Variants in TNNI3K observed in about 807,000 individuals in gnomAD.
TNNI3K encodes the protein serine/threonine-protein kinase TNNI3K.
A neutral mutation model predicts 114.5 loss-of-function variants in TNNI3K; 140 were observed. That is an observed-to-expected ratio of 1.22 (90% CI 1.07 to 1.41). The LOEUF (loss-of-function observed/expected upper bound fraction) is 1.41, where lower values mean the gene tolerates loss of function less well. Among genes scored for constraint, TNNI3K ranks in the 40% most tolerant of loss-of-function variants. The pLI is 0.00. For synonymous variants in TNNI3K, 347 were observed against 347.5 expected, an observed-to-expected ratio of 1.00 and a Z score of 0.02; for missense variants, 1,125 against 1,007.6, an observed-to-expected ratio of 1.12 and a Z score of -1.58.
At chr1:74,370,437 G>A (rs1270165149) in intron 17 of TNNI3K, 45 bp downstream of exon 17, 1 of 1,532,016 alleles carries the variant, frequency 6.5e-7, no homozygotes, top group Non-Finnish European at 8.9e-7. Context: ...ATGACTAACT[G>A]GGAGTTTAAG....
intron 23 of TNNI3K, among the ~76,000 whole-genome samples, chr1:74,521,379 TA>T (rs891108665): frequency 1.3e-4 from 20 of 152,156 alleles, no homozygotes; most frequent in African/African-American, 4.3e-4. Context: ...GTAAGTCACT[TA>T]AAACAATACC....
intron 21 of TNNI3K, among the ~76,000 whole-genome samples, chr1:74,484,448 A>G (rs1668653223): frequency 6.6e-6 from 1 of 152,252 alleles, no homozygotes. Flanking sequence ...GGATATAAAC[A>G]ATAAACAAAT....
intron 21 of TNNI3K, among the ~76,000 whole-genome samples, chr1:74,477,004 AATACACTCTTGGAAAGTGCTATAAC>A (rs1454535191): frequency 2.0e-5 from 3 of 152,132 alleles, no homozygotes; most frequent in Non-Finnish European, 4.4e-5. Flanking sequence ...ATTTGCCAAC[AATACACTCTTGGAAAGTGCTATAAC>A]ATATTGAAGC....
At chr1:74,438,124 G>A (rs1666219035) in intron 19 of TNNI3K, among the ~76,000 whole-genome samples, 1 of 151,640 alleles carries the variant, frequency 6.6e-6, no homozygotes, top group Non-Finnish European at 1.5e-5. Flanking sequence ...AATTTATTTT[G>A]AAAGCTGTTT....
At chr1:74,365,666 T>G (rs970873707) in intron 11 of TNNI3K, among the ~76,000 whole-genome samples, 1 of 152,082 alleles carries the variant, frequency 6.6e-6, no homozygotes, top group African/African-American at 2.4e-5. Context: ...ACATTATCTA[T>G]TCTCTCTGCC....
At chr1:74,533,248 A>G (rs1484553830) in intron 23 of TNNI3K, among the ~76,000 whole-genome samples, 6 of 152,186 alleles carry the variant, frequency 3.9e-5, no homozygotes, top group African/African-American at 1.4e-4. Flanking sequence ...AAAAGTGGGC[A>G]AAGGACATGA....
At chr1:74,319,357 T>G (rs577551456) in intron 5 of TNNI3K, among the ~76,000 whole-genome samples, 1 of 152,362 alleles carries the variant, frequency 6.6e-6, no homozygotes, top group Admixed American at 6.5e-5. Flanking sequence ...AGTGACATTT[T>G]ATAACTTTTG....
chr1:74,537,926 AC>A (rs1646679594), intron 23 of TNNI3K, among the ~76,000 whole-genome samples: 1 of 152,184 alleles, frequency 6.6e-6, no homozygotes, highest in African/African-American at 2.4e-5. Context: ...CTCATGATTA[AC>A]TTTATAAGCT....
At chr1:74,489,665 T>A (rs1668950754) in intron 22 of TNNI3K, among the ~76,000 whole-genome samples, 1 of 152,148 alleles carries the variant, frequency 6.6e-6, no homozygotes, top group Non-Finnish European at 1.5e-5. Flanking sequence ...GTTCATAAAT[T>A]AGTTGGAATG....
chr1:74,277,433 G>C (rs186402720), intron 5 of TNNI3K, among the ~76,000 whole-genome samples: 153 of 152,150 alleles, frequency 1.0e-3, no homozygotes, highest in Non-Finnish European at 1.7e-3. Flanking sequence ...AGTGAAAAAA[G>C]AAACGGAATA....
At chr1:74,245,532 T>G (rs1654498613) in intron 2 of TNNI3K, among the ~76,000 whole-genome samples, 1 of 152,176 alleles carries the variant, frequency 6.6e-6, no homozygotes, top group Non-Finnish European at 1.5e-5. Flanking sequence ...TTTAAATCTC[T>G]AGCAGCTTTA....
intron 2 of TNNI3K, among the ~76,000 whole-genome samples, chr1:74,248,127 C>T (rs954870696): frequency 6.6e-6 from 1 of 152,148 alleles, no homozygotes; most frequent in African/African-American, 2.4e-5. Context: ...GGACCCGGTG[C>T]ACCCTCTGCA....
intron 21 of TNNI3K, chr1:74,464,891 A>G (rs1251530599): frequency 4.6e-6 from 6 of 1,302,070 alleles, no homozygotes; most frequent in Admixed American, 3.6e-5. Context: ...TGGATGCTTA[A>G]GAATGTTTGT....
intron 17 of TNNI3K, among the ~76,000 whole-genome samples, chr1:74,383,438 C>G (rs1281877851): frequency 1.3e-5 from 2 of 152,070 alleles, no homozygotes; most frequent in African/African-American, 4.8e-5. Context: ...TGCCTTACCT[C>G]TCTCTTCTCT....
At chr1:74,512,508 A>G (rs1453430577) in intron 23 of TNNI3K, 1 of 152,228 alleles carries the variant, frequency 6.6e-6, no homozygotes, top group Non-Finnish European at 1.5e-5. Flanking sequence ...AAACACCAAA[A>G]GAAAGAAATT....
At chr1:74,420,729 A>C (rs945429112) in intron 17 of TNNI3K, among the ~76,000 whole-genome samples, 15 of 152,280 alleles carry the variant, frequency 9.9e-5, no homozygotes, top group African/African-American at 3.6e-4. Flanking sequence ...TTTTAGCAAT[A>C]GCTATAATAA....
At chr1:74,422,488 G>A (rs1462616934) in intron 17 of TNNI3K, among the ~76,000 whole-genome samples, 3 of 151,986 alleles carry the variant, frequency 2.0e-5, no homozygotes, top group African/African-American at 7.2e-5. Flanking sequence ...TCTTCCCCCA[G>A]ATCACTCAGT....
chr1:74,463,500 C>G lies in TNNI3K; in HGVS notation c.2071C>G (p.Pro691Ala). 1 of 1,614,198 alleles carries G rather than the reference C, an allele frequency of 6.2e-7. No individual in the cohort carries two copies. ...CAGACCTCCCATTGGCTATTCCATT[C>G]CCAAGCCCATATCATCTCTGCTGAT... ...HIRPPIGYSIPKPISSLLIRG... is the reference protein window; with the variant it reads ...HIRPPIGYSIAKPISSLLIRG... The change falls in exon 21 of 25, where the codon CCC (proline) becomes GCC (alanine). Residue 691 changes from proline to alanine, a missense_variant. Coordinates refer to ENST00000326637, the MANE Select transcript of TNNI3K (RefSeq NM_015978.3).
At chr1:74,299,470 C>T (rs1286691916) in intron 5 of TNNI3K, among the ~76,000 whole-genome samples, 5 of 152,040 alleles carry the variant, frequency 3.3e-5, no homozygotes, top group African/African-American at 1.2e-4. Flanking sequence ...ATTGGCTGAA[C>T]TATTGTGAAA....
Sources: gnomAD v4.1 joint callset for allele counts (sites outside exome capture counted in the v4.1 genomes callset) on GRCh38, gnomAD v4.1.1 for gene constraint, MANE v1.5 for transcripts, NCBI Gene and HGNC (gene_info 2026-07-23, HGNC 2026-07-21) for gene names.